PSMD14: variants seen among roughly 807,000 people sequenced by gnomAD.
PSMD14 encodes the protein proteasome 26S subunit, non-ATPase 14.
PSMD14 carries 7 observed loss-of-function variants against 41.2 expected under a neutral mutation model. The observed-to-expected ratio is 0.17, with a 90% CI of 0.10 to 0.32. The LOEUF (loss-of-function observed/expected upper bound fraction) is 0.32. PSMD14 is among the 10% of genes least tolerant of loss of function. PSMD14 has a pLI of 1.00. For synonymous variants in PSMD14, 114 were observed against 122.3 expected, an observed-to-expected ratio of 0.93 and a Z score of 0.45; for missense variants, 139 against 375.6, an observed-to-expected ratio of 0.37 and a Z score of 5.21.
At chr2:161,357,478 A>C (rs560116188) in intron 3 of PSMD14, among the ~76,000 whole-genome samples, 1 of 152,130 alleles carries the variant, frequency 6.6e-6, no homozygotes. Context: ...ACTTATTTTC[A>C]AGAGTCAGAA....
At chr2:161,370,318 C>T (rs1479112010) in intron 6 of PSMD14, 141 bp downstream of exon 6, 4 of 630,332 alleles carry the variant, frequency 6.3e-6, no homozygotes, top group Non-Finnish European at 1.1e-5. Context: ...AATATCAGTG[C>T]CATGCACCAC....
chr2:161,367,248 A>G (rs1683371593), intron 3 of PSMD14, among the ~76,000 whole-genome samples: 1 of 152,180 alleles, frequency 6.6e-6, no homozygotes, highest in Non-Finnish European at 1.5e-5. Flanking sequence ...TTGCCGAAAG[A>G]CTTAAACTTT....
chr2:161,358,415 G>C (rs1010875719), intron 3 of PSMD14, among the ~76,000 whole-genome samples: 1 of 152,046 alleles, frequency 6.6e-6, no homozygotes, highest in Non-Finnish European at 1.5e-5. Flanking sequence ...TTTATGTCTA[G>C]GATTGGAAAT....
chr2:161,364,469 G>T (rs1169607614), intron 3 of PSMD14, among the ~76,000 whole-genome samples: 1 of 152,050 alleles, frequency 6.6e-6, no homozygotes, highest in African/African-American at 2.4e-5. Flanking sequence ...CCTGGTGGTG[G>T]TGCCTTAGCC....
chr2:161,346,614 T>C (rs990764660), intron 3 of PSMD14, among the ~76,000 whole-genome samples: 5 of 150,458 alleles, frequency 3.3e-5, no homozygotes, highest in African/African-American at 1.2e-4. Context: ...TCTTGATATT[T>C]GTTATGGGAT....
intron 3 of PSMD14, among the ~76,000 whole-genome samples, chr2:161,343,729 A>G (rs1683000380): frequency 6.6e-6 from 1 of 152,070 alleles, no homozygotes; most frequent in Non-Finnish European, 1.5e-5. Flanking sequence ...TCGGGAGCCT[A>G]AGGCTGGAGA....
intron 3 of PSMD14, among the ~76,000 whole-genome samples, chr2:161,358,739 T>C (rs942554890): frequency 1.3e-5 from 2 of 152,060 alleles, no homozygotes; most frequent in African/African-American, 2.4e-5. Context: ...GATCAGGAGT[T>C]TGAGACCAGT....
chr2:161,337,101 C>A (rs1171476683), intron 3 of PSMD14, among the ~76,000 whole-genome samples: 2 of 152,126 alleles, frequency 1.3e-5, no homozygotes, highest in African/African-American at 4.8e-5. Context: ...GATTAAGAAT[C>A]AATTTCAGGA....
chr2:161,313,300 GT>G (rs745592568), intron 1 of PSMD14, among the ~76,000 whole-genome samples: 19 of 152,118 alleles, frequency 1.2e-4, no homozygotes, highest in Non-Finnish European at 2.5e-4. Context: ...TATTAGAAAT[GT>G]TAGTAAAGCT....
chr2:161,385,156 C>T (rs2105263977), intron 7 of PSMD14: 1 of 173,092 alleles, frequency 5.8e-6, no homozygotes, highest in African/African-American at 2.4e-5. Flanking sequence ...CAAACATATG[C>T]ACACCAGTGA....
At chr2:161,410,647 C>T (rs978540104) in intron 11 of PSMD14, among the ~76,000 whole-genome samples, 3 of 151,840 alleles carry the variant, frequency 2.0e-5, no homozygotes, top group Admixed American at 6.6e-5. Context: ...AAGGATTGCA[C>T]CTGTATAATT....
At chr2:161,396,592 A>G (rs1007648945) in intron 10 of PSMD14, among the ~76,000 whole-genome samples, 2 of 152,098 alleles carry the variant, frequency 1.3e-5, no homozygotes, top group African/African-American at 4.8e-5. Context: ...AACTCATAGA[A>G]GTAGAGAGTA....
chr2:161,326,352 G>A (rs1338401348), intron 3 of PSMD14, among the ~76,000 whole-genome samples: 1 of 151,910 alleles, frequency 6.6e-6, no homozygotes, highest in Non-Finnish European at 1.5e-5. Flanking sequence ...ATTTTTGCAG[G>A]TACACCCATT....
chr2:161,354,249 A>G (rs1480989009), intron 3 of PSMD14, among the ~76,000 whole-genome samples: 3 of 151,972 alleles, frequency 2.0e-5, no homozygotes, highest in Non-Finnish European at 4.4e-5. Context: ...TGTGTGTCAG[A>G]TGGTGGGGGG....
At chr2:161,391,245 G>C (rs564045843) in intron 9 of PSMD14, 67 bp downstream of exon 9, 2 of 1,403,496 alleles carry the variant, frequency 1.4e-6, no homozygotes, top group African/African-American at 2.9e-5. Flanking sequence ...CTATTACCTG[G>C]TATGTGATTT....
At chr2:161,363,871 A>C (rs1027225067) in intron 3 of PSMD14, among the ~76,000 whole-genome samples, 1 of 152,152 alleles carries the variant, frequency 6.6e-6, no homozygotes, top group African/African-American at 2.4e-5. Flanking sequence ...CTGAGGCCCC[A>C]GTGGGTGTGT....
At chr2:161,337,176 T>C (rs1288183516) in intron 3 of PSMD14, among the ~76,000 whole-genome samples, 1 of 152,244 alleles carries the variant, frequency 6.6e-6, no homozygotes, top group Non-Finnish European at 1.5e-5. Flanking sequence ...TTGTTTTTGG[T>C]AAATCTGAGT....
intron 3 of PSMD14, among the ~76,000 whole-genome samples, chr2:161,321,599 T>C (rs1237391980): frequency 6.6e-6 from 1 of 152,180 alleles, no homozygotes; most frequent in Non-Finnish European, 1.5e-5. Context: ...ACTTCATGTG[T>C]CCCCAAGCCA....
chr2:161,331,233 G>A (rs1682783953), intron 3 of PSMD14, among the ~76,000 whole-genome samples: 1 of 150,854 alleles, frequency 6.6e-6, no homozygotes, highest in Non-Finnish European at 1.5e-5. Context: ...GATTTCTACT[G>A]TATAGACTAG....
Sources: gnomAD v4.1 joint callset for allele counts (sites outside exome capture counted in the v4.1 genomes callset) on GRCh38, gnomAD v4.1.1 for gene constraint, MANE v1.5 for transcripts, NCBI Gene and HGNC (gene_info 2026-07-23, HGNC 2026-07-21) for gene names.